The following DMD variants were observed in gnomAD, a reference collection of about 807,000 sequenced individuals.
The protein encoded by DMD is mutant dystrophin.
DMD carries 63 observed loss-of-function variants against 330.1 expected under a neutral mutation model. The ratio of observed to expected loss-of-function variants is 0.19; its 90% CI spans 0.16 to 0.24. The LOEUF is 0.24. Ranked by LOEUF, DMD falls within the 10% of genes least tolerant of loss-of-function variation. The pLI is 1.00. For synonymous variants in DMD, 1,223 were observed against 959.8 expected (o/e 1.27, Z -5.07); for missense variants, 3,344 against 2,684.1 (o/e 1.25, Z -5.43).
intron 1 of DMD, among the ~76,000 whole-genome samples, chrX:33,168,309 C>T (rs1472263093): frequency 4.5e-5 from 5 of 110,655 alleles, no homozygotes; most frequent in Non-Finnish European, 9.5e-5. Context: ...TATTTTTTAA[C>T]ATCAGAAAGA....
At chrX:32,845,174 A>G (rs1288028918) in intron 3 of DMD, among the ~76,000 whole-genome samples, 1 of 112,183 alleles carries the variant, frequency 8.9e-6, no homozygotes, top group African/African-American at 3.2e-5. Context: ...CAGCATGCAT[A>G]AAAACATTTT....
chrX:32,177,105 T>C (rs2096909187), intron 44 of DMD, among the ~76,000 whole-genome samples: 1 of 111,998 alleles, frequency 8.9e-6, no homozygotes, highest in Admixed American at 9.5e-5. Flanking sequence ...ACGTCTCCTG[T>C]ATTTTTCTCA....
chrX:32,953,214 T>C (rs773060085), intron 2 of DMD, among the ~76,000 whole-genome samples: 4 of 110,017 alleles, frequency 3.6e-5, no homozygotes, highest in South Asian at 3.9e-4. Flanking sequence ...CATTTTTATA[T>C]GTAAAAGATG....
chrX:33,102,461 CAA>C (rs2095249244), intron 1 of DMD, among the ~76,000 whole-genome samples: 1 of 110,489 alleles, frequency 9.1e-6, no homozygotes, highest in South Asian at 3.8e-4. Flanking sequence ...TTTTTTTCTT[CAA>C]ATTTTCTCAT....
At chrX:33,132,688 T>G (rs7058095) in intron 1 of DMD, among the ~76,000 whole-genome samples, 5,604 of 112,555 alleles carry the variant, frequency 0.05, 333 homozygotes, top group African/African-American at 0.17. Flanking sequence ...ATAAAATAGC[T>G]TGGCAACATG....
At chrX:32,252,745 A>T (rs12859464) in intron 43 of DMD, among the ~76,000 whole-genome samples, 6 of 37,989 alleles carry the variant, frequency 1.6e-4, no homozygotes, top group African/African-American at 5.6e-4. Context: ...TATATATATA[A>T]ATATATATAA....
At chrX:31,499,515 CAG>C (rs1483153308) in intron 56 of DMD, among the ~76,000 whole-genome samples, 1 of 77,346 alleles carries the variant, frequency 1.3e-5, no homozygotes, top group African/African-American at 5.5e-5. Flanking sequence ...TTTGGTGAGA[CAG>C]AGTCTTGATC....
chrX:32,968,955 G>T (rs754897301), intron 2 of DMD, among the ~76,000 whole-genome samples: 1 of 96,154 alleles, frequency 1.0e-5, no homozygotes, highest in Non-Finnish European at 2.0e-5. Flanking sequence ...TTGAAACCCG[G>T]AGGCAGAGGT....
At chrX:32,657,562 A>T (rs1255884921) in intron 9 of DMD, among the ~76,000 whole-genome samples, 2 of 111,860 alleles carry the variant, frequency 1.8e-5, no homozygotes, top group African/African-American at 6.5e-5. Flanking sequence ...GATACCCAGT[A>T]AACAAACCGA....
In DMD at chrX:31,852,105, T is replaced by C. The variant is rs770212903; in HGVS notation, c.7099-15286A>G. Among the ~76,000 whole-genome samples the C allele has an allele frequency of 1.4e-4, 16 of 111,176 alleles. No homozygotes were observed. The East Asian group carries it at 2.0e-3, about 14-fold the overall frequency. ...GGGATGGAGGAGGATAGGTCCTGCA[T>C]CTTTGGAAGGATCTTGGCTGTTATC... is the stretch of plus-strand genomic sequence containing the variant. On this transcript the variant is annotated intron_variant, in intron 48 of 78. Transcript: ENST00000357033.
At chrX:32,900,944 G>T (rs999456600) in intron 2 of DMD, among the ~76,000 whole-genome samples, 10 of 110,884 alleles carry the variant, frequency 9.0e-5, no homozygotes, top group African/African-American at 3.3e-4. Context: ...CCAAAATGAT[G>T]AAAATGCTTG....
chrX:31,565,212 A>C (rs987645935), intron 55 of DMD, among the ~76,000 whole-genome samples: 10 of 111,335 alleles, frequency 9.0e-5, no homozygotes, highest in African/African-American at 3.3e-4. Context: ...ACATTGACAC[A>C]ATCAAGGTAA....
intron 62 of DMD, among the ~76,000 whole-genome samples, chrX:31,309,223 G>A (rs1431568912): frequency 8.9e-6 from 1 of 112,137 alleles, no homozygotes; most frequent in Non-Finnish European, 1.9e-5. Context: ...CTGAACTGAG[G>A]AGACAAGGGA....
intron 48 of DMD, among the ~76,000 whole-genome samples, chrX:31,861,759 A>ACACACACACG (rs1409018286): frequency 9.6e-6 from 1 of 104,095 alleles, no homozygotes; most frequent in African/African-American, 3.5e-5. Context: ...ACACACACAC[A>ACACACACACG]CACACACACA....
At chrX:32,750,705 A>G (rs779021737) in intron 7 of DMD, among the ~76,000 whole-genome samples, 1 of 110,530 alleles carries the variant, frequency 9.0e-6, no homozygotes, top group African/African-American at 3.3e-5. Context: ...TTGTCCTCCT[A>G]TTTGGTGTGC....
At chrX:32,612,160 G>A (rs2057227961) in intron 12 of DMD, among the ~76,000 whole-genome samples, 1 of 111,404 alleles carries the variant, frequency 9.0e-6, no homozygotes, top group Non-Finnish European at 1.9e-5. Context: ...AGTCTTACTG[G>A]GGAATCTCTG....
intron 47 of DMD, 129 bp downstream of exon 47, chrX:31,929,467 A>T (rs1223847414): frequency 7.1e-6 from 6 of 843,539 alleles, no homozygotes; most frequent in Non-Finnish European, 1.0e-5. Flanking sequence ...GTCAGGTTAA[A>T]AAAACAAAAC....
At chrX:31,594,835 T>G (rs1422655718) in intron 55 of DMD, among the ~76,000 whole-genome samples, 1 of 110,883 alleles carries the variant, frequency 9.0e-6, no homozygotes, top group Admixed American at 9.6e-5. Context: ...GAAGGGAAGT[T>G]TCACCTTTCC....
chrX:32,611,191 C>G (rs771113987), intron 12 of DMD, among the ~76,000 whole-genome samples: 1 of 83,656 alleles, frequency 1.2e-5, no homozygotes, highest in Non-Finnish European at 2.1e-5. Context: ...ATGAATCTTT[C>G]CCTTAATTTT....
Sources: allele counts gnomAD v4.1 joint callset (sites outside exome capture counted in the v4.1 genomes callset), GRCh38; gene constraint gnomAD v4.1.1; transcripts MANE v1.5; gene names NCBI Gene and HGNC (gene_info 2026-07-23, HGNC 2026-07-21).